FYN: variants seen among roughly 807,000 people sequenced by gnomAD.
FYN encodes FYN proto-oncogene, Src family tyrosine kinase, also known as tyrosine-protein kinase Fyn.
A neutral mutation model predicts 70.2 loss-of-function variants in FYN; 10 were observed. The ratio of observed to expected loss-of-function variants is 0.14; its 90% CI spans 0.09 to 0.24. The LOEUF (loss-of-function observed/expected upper bound fraction) is 0.24, where lower values mean the gene tolerates loss of function less well. Among genes scored for constraint, FYN ranks in the 10% least tolerant of loss-of-function variants. The probability of loss-of-function intolerance (pLI) is 1.00; values close to 1 mark genes in which losing one functional copy is unlikely to be tolerated. For synonymous variants in FYN, 236 were observed against 248.6 expected, an observed-to-expected ratio of 0.95 and a Z score of 0.48; for missense variants, 319 against 673.1, an observed-to-expected ratio of 0.47 and a Z score of 5.82.
intron 3 of FYN, among the ~76,000 whole-genome samples, chr6:111,721,508 C>A (rs1030638259): frequency 6.6e-6 from 1 of 152,034 alleles, no homozygotes; most frequent in African/African-American, 2.4e-5. Flanking sequence ...TGGCTCACTA[C>A]AACCTCTGCC....
At chr6:111,692,105 C>CT (rs1373513871) in intron 12 of FYN, among the ~76,000 whole-genome samples, 1 of 146,924 alleles carries the variant, frequency 6.8e-6, no homozygotes, top group East Asian at 2.1e-4. Flanking sequence ...TTCATTTCCC[C>CT]CCCCCCCAGT....
chr6:111,862,396 A>T (rs1252718774), intron 1 of FYN, among the ~76,000 whole-genome samples: 1 of 152,214 alleles, frequency 6.6e-6, no homozygotes, highest in Non-Finnish European at 1.5e-5. Flanking sequence ...AATGAACCCA[A>T]ACTGTGTTGT....
intron 3 of FYN, among the ~76,000 whole-genome samples, chr6:111,741,344 C>A (rs747010572): frequency 2.3e-4 from 35 of 152,140 alleles, no homozygotes; most frequent in Non-Finnish European, 4.6e-4. Flanking sequence ...TGGCACAGAG[C>A]AGACACTCAG....
In FYN at chr6:111,694,884, G is replaced by A. The variant is rs1033083915; in HGVS notation, c.1043-180C>T. 2.6e-5 allele frequency among the ~76,000 whole-genome samples: 4 copies of A among 152,188 alleles called. No individual in the cohort carries two copies. The highest frequency in any genetic ancestry group is 9.7e-5 in the African/African-American group (4 of 41,436). On this transcript the variant is annotated intron_variant, in intron 10 of 13. Coordinates refer to ENST00000354650, the MANE Select transcript of FYN (RefSeq NM_002037.5). The surrounding 1 kb of genome is among the most constrained non-coding windows in gnomAD (Gnocchi z 5.0). ...TAGAAAAAAGTATAGGCATGGAGAA[G>A]TAACAGTTACCTTTTAAAAACAAAC... is the stretch of plus-strand genomic sequence containing the variant.
intron 1 of FYN, among the ~76,000 whole-genome samples, chr6:111,865,492 C>T (rs747752558): frequency 2.6e-5 from 4 of 152,218 alleles, no homozygotes; most frequent in Non-Finnish European, 5.9e-5. Context: ...TTATATTCTT[C>T]CAGGATTACT....
intron 12 of FYN, among the ~76,000 whole-genome samples, chr6:111,678,205 A>C (rs529470519): frequency 4.0e-5 from 6 of 151,258 alleles, no homozygotes; most frequent in African/African-American, 1.5e-4. Flanking sequence ...TACTATTTGC[A>C]AATTTTACCA....
chr6:111,873,076 G>GGA lies in FYN; in HGVS notation c.-232_-231insTC, dbSNP rs1221420353. On this transcript the variant is annotated 5_prime_UTR_variant, in exon 1 of 14. Coordinates refer to ENST00000354650, the MANE Select transcript of FYN (RefSeq NM_002037.5). ...TCCCCGGCGGGCCCGGGAGCCGGTG[G>GGA]GCCTTCCGAGAGCACCGAGGGGGCG... 6.8e-6 allele frequency: 1 copy of GGA among 148,032 alleles called. No homozygotes were observed. The highest frequency in any genetic ancestry group is 1.5e-5 in the Non-Finnish European group (1 of 66,462). 9.2% of individuals were successfully genotyped at this position (148,032 alleles called of 1,614,324 possible). A position where few individuals can be genotyped will look rare whatever the true frequency, so the allele number is the denominator to read the frequency against.
intron 6 of FYN, among the ~76,000 whole-genome samples, chr6:111,705,272 A>G (rs1323510433): frequency 6.6e-6 from 1 of 152,132 alleles, no homozygotes; most frequent in East Asian, 1.9e-4. Flanking sequence ...AACGCCCATG[A>G]GTACTTACTT....
chr6:111,708,294 G>T (rs1030524499), intron 5 of FYN: 1 of 381,542 alleles, frequency 2.6e-6, no homozygotes, highest in Non-Finnish European at 4.9e-6. Context: ...CTTGGTAGGG[G>T]GCATTTTGCT....
intron 3 of FYN, among the ~76,000 whole-genome samples, chr6:111,744,585 G>A (rs1403700899): frequency 6.6e-6 from 1 of 152,142 alleles, no homozygotes; most frequent in Non-Finnish European, 1.5e-5. Flanking sequence ...CTCCCAGTCT[G>A]GTGGGAACAC....
intron 3 of FYN, among the ~76,000 whole-genome samples, chr6:111,766,067 A>G (rs1803218523): frequency 6.6e-6 from 1 of 152,228 alleles, no homozygotes; most frequent in Non-Finnish European, 1.5e-5. Context: ...CAAGATTGAT[A>G]TATGTGTAAA....
intron 2 of FYN, among the ~76,000 whole-genome samples, chr6:111,802,630 T>C (rs1189848422): frequency 2.6e-5 from 4 of 152,228 alleles, no homozygotes; most frequent in Non-Finnish European, 5.9e-5. Flanking sequence ...GGTTTCACCA[T>C]GTTGGCCAGG....
intron 2 of FYN, among the ~76,000 whole-genome samples, chr6:111,797,393 T>C (rs1467331700): frequency 6.6e-6 from 1 of 152,036 alleles, no homozygotes; most frequent in Non-Finnish European, 1.5e-5. Flanking sequence ...TTTTTATGTA[T>C]AGAATTTTTA....
intron 2 of FYN, among the ~76,000 whole-genome samples, chr6:111,796,443 A>G (rs1232134340): frequency 1.3e-5 from 2 of 152,236 alleles, no homozygotes; most frequent in Non-Finnish European, 2.9e-5. Flanking sequence ...TATACCATAG[A>G]GACTAGGTGT....
chr6:111,824,453 C>CTAAAT (rs1469002100), intron 2 of FYN, among the ~76,000 whole-genome samples: 2 of 149,858 alleles, frequency 1.3e-5, no homozygotes, highest in Non-Finnish European at 3.0e-5. Flanking sequence ...AGGAGAAAGC[C>CTAAAT]TTGACACCAT....
chr6:111,663,299 C>T (rs1797847786), intron 13 of FYN, among the ~76,000 whole-genome samples: 1 of 152,240 alleles, frequency 6.6e-6, no homozygotes. Context: ...AGCAGGAGCA[C>T]ACACCATATG....
At chr6:111,843,432 AATG>A (rs1773424151) in intron 2 of FYN, among the ~76,000 whole-genome samples, 2 of 152,230 alleles carry the variant, frequency 1.3e-5, no homozygotes, top group Non-Finnish European at 1.5e-5. Context: ...CACTTAAAGC[AATG>A]ATATCTGGAA....
intron 1 of FYN, among the ~76,000 whole-genome samples, 193 bp downstream of exon 1, chr6:111,872,775 G>T (rs541005569): frequency 6.6e-6 from 1 of 151,896 alleles, no homozygotes; most frequent in African/African-American, 2.4e-5. Context: ...GCACCCCGCA[G>T]GGGTGTCCTC....
At chr6:111,774,191 G>T (rs1803616299) in intron 3 of FYN, among the ~76,000 whole-genome samples, 1 of 152,196 alleles carries the variant, frequency 6.6e-6, no homozygotes. Context: ...CATATGGAGT[G>T]GGCCATGCCT....
Sources: allele counts gnomAD v4.1 joint callset (sites outside exome capture counted in the v4.1 genomes callset), GRCh38; gene constraint gnomAD v4.1.1; non-coding constraint Gnocchi (gnomAD v3.1); transcripts MANE v1.5; gene names NCBI Gene and HGNC (gene_info 2026-07-23, HGNC 2026-07-21).